The following PTPRG variants were observed in gnomAD, a reference collection of about 807,000 sequenced individuals.
PTPRG encodes receptor-type tyrosine-protein phosphatase gamma.
PTPRG carries 102 observed loss-of-function variants against 165.3 expected under a neutral mutation model. The ratio of observed to expected loss-of-function variants is 0.62; its 90% confidence interval spans 0.53 to 0.73. The LOEUF (loss-of-function observed/expected upper bound fraction) is 0.73. PTPRG is among the 30% of genes least tolerant of loss of function. The pLI, the probability that PTPRG is intolerant of heterozygous loss-of-function variation, is 0.00. For missense variants in PTPRG, 1,866 were observed against 1,861.4 expected, an observed-to-expected ratio of 1.00 and a Z score of -0.05; for synonymous variants, 675 against 669.5, an observed-to-expected ratio of 1.01 and a Z score of -0.13.
intron 4 of PTPRG, among the ~76,000 whole-genome samples, chr3:62,022,942 T>G (rs2041731256): frequency 6.6e-6 from 1 of 152,178 alleles, no homozygotes; most frequent in African/African-American, 2.4e-5. Context: ...GTCTGTTATT[T>G]TAAAATTTGT....
At chr3:61,821,939 G>A (rs1346597598) in intron 2 of PTPRG, among the ~76,000 whole-genome samples, 6 of 152,222 alleles carry the variant, frequency 3.9e-5, no homozygotes, top group Non-Finnish European at 7.3e-5. Context: ...TGCCAAGTGC[G>A]TGCAGAAGCA....
At chr3:62,144,503 C>G (rs1211189503) in intron 6 of PTPRG, among the ~76,000 whole-genome samples, 1 of 152,202 alleles carries the variant, frequency 6.6e-6, no homozygotes, top group African/African-American at 2.4e-5. Flanking sequence ...TTTTGAACAT[C>G]TCAACATGCA....
At chr3:61,730,622 A>C (rs1445366242) in intron 1 of PTPRG, among the ~76,000 whole-genome samples, 1 of 152,124 alleles carries the variant, frequency 6.6e-6, no homozygotes, top group East Asian at 1.9e-4. Context: ...TTGTCCATCC[A>C]CATTTTAAAC....
intron 2 of PTPRG, among the ~76,000 whole-genome samples, chr3:61,979,718 C>T (rs879637023): frequency 3.9e-5 from 6 of 152,090 alleles, no homozygotes; most frequent in Admixed American, 6.5e-5. Flanking sequence ...TTGGCTTTAC[C>T]GCATAAATAT....
At chr3:61,753,490 C>G in intron 2 of PTPRG, 1 of 344,524 alleles carries the variant, frequency 2.9e-6, no homozygotes, top group Non-Finnish European at 5.7e-6. Context: ...AATTATTGCA[C>G]AAAGAGTAAC....
At chr3:62,017,660 G>A (rs1320940061) in intron 4 of PTPRG, among the ~76,000 whole-genome samples, 1 of 150,958 alleles carries the variant, frequency 6.6e-6, no homozygotes, top group African/African-American at 2.4e-5. Flanking sequence ...TCCTGACCTC[G>A]TGATCCGCCC....
intron 4 of PTPRG, among the ~76,000 whole-genome samples, chr3:62,044,194 G>A (rs946389508): frequency 6.6e-6 from 1 of 152,210 alleles, no homozygotes; most frequent in Non-Finnish European, 1.5e-5. Context: ...TACTAACTGA[G>A]CACTACTGAG....
intron 4 of PTPRG, among the ~76,000 whole-genome samples, chr3:62,025,021 T>C (rs1467364606): frequency 1.3e-5 from 2 of 152,116 alleles, no homozygotes; most frequent in Non-Finnish European, 2.9e-5. Flanking sequence ...TTTCCAGGAG[T>C]ATGAAAGTCA....
At chr3:61,727,826 G>C (rs571330294) in intron 1 of PTPRG, among the ~76,000 whole-genome samples, 1 of 152,300 alleles carries the variant, frequency 6.6e-6, no homozygotes, top group South Asian at 2.1e-4. Flanking sequence ...CCATGACACT[G>C]AAATTTCGGA....
chr3:61,718,340 T>C (rs930778701), intron 1 of PTPRG, among the ~76,000 whole-genome samples: 3 of 152,202 alleles, frequency 2.0e-5, no homozygotes, highest in Non-Finnish European at 4.4e-5. Context: ...TTAGCTAATT[T>C]TCATTTTAAC....
In PTPRG at chr3:61,687,947, C is replaced by G. The variant is rs72878405; in HGVS notation, c.86-60931C>G. ...TTCATAGGGGTTTGGGAAGCTCAGACATGTTTCTAGAAAAGGAATCGCGTA... is the reference window on the plus strand; with the variant it reads ...TTCATAGGGGTTTGGGAAGCTCAGAGATGTTTCTAGAAAAGGAATCGCGTA... On this transcript the variant is annotated intron_variant, in intron 1 of 29. Coordinates refer to ENST00000474889, the MANE Select transcript of PTPRG (RefSeq NM_002841.4). 1.6e-3 allele frequency among the ~76,000 whole-genome samples: 247 copies of G among 152,314 alleles called. 1 individual carries two copies. Among genetic ancestry groups the G allele is most frequent in the African/African-American group, 5.7e-3 (238 of 41,574 alleles).
chr3:61,620,659 G>A (rs755140517), intron 1 of PTPRG, among the ~76,000 whole-genome samples: 4 of 151,612 alleles, frequency 2.6e-5, no homozygotes, highest in African/African-American at 7.3e-5. Flanking sequence ...TGGAGTTAAC[G>A]CTCTTGTCAC....
intron 3 of PTPRG, among the ~76,000 whole-genome samples, chr3:61,992,588 C>T (rs556742347): frequency 2.8e-4 from 42 of 151,944 alleles, no homozygotes; most frequent in African/African-American, 8.2e-4. Flanking sequence ...GGTGCAATCT[C>T]GGCTCACTGC....
chr3:61,705,055 C>T (rs945043765), intron 1 of PTPRG, among the ~76,000 whole-genome samples: 1 of 152,198 alleles, frequency 6.6e-6, no homozygotes, highest in Non-Finnish European at 1.5e-5. Flanking sequence ...AACACAGGTG[C>T]TGGACAGTGA....
chr3:61,851,395 A>G (rs2036959471), intron 2 of PTPRG, among the ~76,000 whole-genome samples: 1 of 152,022 alleles, frequency 6.6e-6, no homozygotes, highest in African/African-American at 2.4e-5. Flanking sequence ...GTTGGGAAAC[A>G]TATTAACACA....
chr3:61,689,525 A>G (rs1450206588), intron 1 of PTPRG, among the ~76,000 whole-genome samples: 2 of 152,212 alleles, frequency 1.3e-5, no homozygotes, highest in Non-Finnish European at 2.9e-5. Flanking sequence ...TGAAACTAAG[A>G]AACAGTGAGA....
chr3:61,970,013 T>A (rs1341254708), intron 2 of PTPRG, among the ~76,000 whole-genome samples: 1 of 152,244 alleles, frequency 6.6e-6, no homozygotes, highest in African/African-American at 2.4e-5. Flanking sequence ...GGCAGATCAA[T>A]CTTCAGCCAT....
chr3:61,754,323 A>G (rs2033559806), intron 2 of PTPRG, among the ~76,000 whole-genome samples: 1 of 152,220 alleles, frequency 6.6e-6, no homozygotes. Context: ...TGGCACCTGT[A>G]GTATGTACTT....
At chr3:61,919,709 T>G (rs995658426) in intron 2 of PTPRG, among the ~76,000 whole-genome samples, 3 of 152,196 alleles carry the variant, frequency 2.0e-5, no homozygotes, top group Admixed American at 6.5e-5. Flanking sequence ...AAGGAAGATT[T>G]TTTTTTCTCT....
Sources: allele counts gnomAD v4.1 joint callset (sites outside exome capture counted in the v4.1 genomes callset), GRCh38; gene constraint gnomAD v4.1.1; transcripts MANE v1.5; gene names NCBI Gene and HGNC (gene_info 2026-07-23, HGNC 2026-07-21).